RAD51D: variants seen among roughly 807,000 people sequenced by gnomAD.
The protein encoded by RAD51D is RAD51 paralog D.
RAD51D carries 38 observed loss-of-function variants against 44.1 expected under a neutral mutation model. The ratio of observed to expected loss-of-function variants is 0.86; its 90% confidence interval spans 0.67 to 1.13. The LOEUF (loss-of-function observed/expected upper bound fraction) is 1.13. Ranked by LOEUF, RAD51D falls within the 50% of genes most tolerant of loss-of-function variation. The pLI is 0.00. For missense variants in RAD51D, 390 were observed against 414.0 expected (o/e 0.94, Z 0.50); for synonymous variants, 141 against 166.6 (o/e 0.85, Z 1.18).
At chr17:35,115,956 G>GGAAAGGAAA (rs2091735733) in intron 3 of RAD51D, among the ~76,000 whole-genome samples, 1 of 65,282 alleles carries the variant, frequency 1.5e-5, no homozygotes, top group East Asian at 4.4e-4. Context: ...AAGGAAGAAA[G>GGAAAGGAAA]GAAAGAAAGA....
rs1046471463 is a variant in RAD51D at position 35,097,826 on chromosome 17, A to G, written c.*3127T>C. The G allele has an allele frequency of 2.0e-5, 3 of 152,290 alleles. No homozygotes were observed. The highest frequency in any genetic ancestry group is 4.4e-5 in the Non-Finnish European group (3 of 68,040). 9.4% of individuals were successfully genotyped at this position (152,290 alleles called of 1,614,324 possible). A position where few individuals can be genotyped will look rare whatever the true frequency, so the allele number is the denominator to read the frequency against. ...TACAGGGAAGTTACTGTAAGCATCT[A>G]TCTAGATCACAGCTGAGGCATAAAA... On this transcript the variant is annotated 3_prime_UTR_variant, in exon 10 of 10. Coordinates refer to ENST00000345365, the MANE Select transcript of RAD51D (RefSeq NM_002878.4).
At position 35,103,300 on chromosome 17, in the gene RAD51D, G is replaced by A. The variant is rs535851875; in HGVS notation, c.692C>T (p.Ala231Val). The change falls in exon 8 of 10, where the codon GCC becomes GTC. Residue 231 changes from alanine to valine, a missense_variant. Coordinates refer to ENST00000345365, the MANE Select transcript of RAD51D (RefSeq NM_002878.4). This position sits in a 1 kb window ranked among gnomAD's most constrained non-coding sequence, Gnocchi z 4.1. ...CCGGGCCAGGGTCTTCAGCTCTCGG[G>A]CCAGCTGCATCATCAAGGCCAAGCC... Reference protein sequence around the residue: ...REGLALMMQLARELKTLARDL... With the variant: ...REGLALMMQLVRELKTLARDL... The A allele has an allele frequency of 3.7e-6, 6 of 1,611,724 alleles. 1 individual carries two copies. The South Asian group carries it at 6.6e-5, about 18-fold the overall frequency.
At chr17:35,114,255 G>A (rs898310533) in intron 3 of RAD51D, among the ~76,000 whole-genome samples, 1 of 152,034 alleles carries the variant, frequency 6.6e-6, no homozygotes. Flanking sequence ...CTGGGCGACA[G>A]AGCAAGATTC....
intron 3 of RAD51D, among the ~76,000 whole-genome samples, chr17:35,111,013 G>A (rs945092501): frequency 1.3e-5 from 2 of 152,076 alleles, no homozygotes; most frequent in African/African-American, 4.8e-5. Context: ...GTCGAGGCAG[G>A]TGAATCAAAC....
rs1423613615 is a variant in RAD51D, at chr17:35,099,119, G to T, written c.*1834C>A. On this transcript the variant is annotated 3_prime_UTR_variant, in exon 10 of 10. Transcript: ENST00000345365. Reference sequence around the variant, plus strand: ...TCCTCCCGCCTCAGGCTCCCAAAGTGCTACCATTATAGGTGTGAGCCACTG... The same window carrying T: ...TCCTCCCGCCTCAGGCTCCCAAAGTTCTACCATTATAGGTGTGAGCCACTG... 6.6e-6 allele frequency: 1 copy of T among 152,244 alleles called. No homozygotes were observed. Among genetic ancestry groups the T allele is most frequent in the African/African-American group, 2.4e-5 (1 of 41,402 alleles). 9.4% of individuals were successfully genotyped at this position (152,244 alleles called of 1,614,324 possible).
Position 35,119,592 on chromosome 17 carries a change from G to C in RAD51D, c.22C>G (p.Leu8Val), listed in dbSNP as rs876659203. ...ATCTCCTCGGTAAGGCCAGGGCACA[G>C]TCCGACCCTGAGCACGCCCATGTTC... MGVLRVG[L>V]CPGLTEEMIQ... The change falls in exon 1 of 10, where the codon CTG becomes GTG. Residue 8 changes from leucine to valine, a missense_variant. By Grantham distance (32) the Leu-to-Val change is conservative (BLOSUM62 1). Transcript: ENST00000345365. The C allele has an allele frequency of 6.2e-7, 1 of 1,612,260 alleles. No individual in the cohort carries two copies. Among genetic ancestry groups the C allele is most frequent in the Non-Finnish European group, 8.5e-7 (1 of 1,179,946 alleles).
Position 35,098,409 on chromosome 17 carries a change from AT to A in RAD51D, c.*2543del, listed in dbSNP as rs11293580. 14,067 of 132,874 alleles carry A rather than the reference AT, an allele frequency of 0.11. 686 individuals are homozygous for A. The highest frequency in any genetic ancestry group is 0.19 in the South Asian group (797 of 4,210). The allele number at this position is 132,874 out of a possible 1,614,324, so 8.2% of individuals were successfully genotyped here. ...GCCACGACGCCTGGCTAATTTTTGC[AT>A]TTTTTTTTTTTTTTTGAGACGGAGT... On this transcript the variant is annotated 3_prime_UTR_variant, in exon 10 of 10. Transcript: ENST00000345365.
intron 2 of RAD51D, 49 bp from the exon 3 acceptor site, chr17:35,118,668 G>T: frequency 7.2e-7 from 1 of 1,390,480 alleles, no homozygotes; most frequent in Non-Finnish European, 1.0e-6. Flanking sequence ...CGTAGAAGCT[G>T]GCATCCCAGG....
intron 6 of RAD51D, 160 bp downstream of exon 6, chr17:35,106,226 A>G (rs2091600839): frequency 1.3e-6 from 1 of 757,538 alleles, no homozygotes; most frequent in East Asian, 2.5e-5. Context: ...GAGGTATGTG[A>G]TTTAGGTGCT....
chr17:35,119,696 C>T lies in RAD51D; in HGVS notation c.-83G>A, dbSNP rs11540072. The T allele has an allele frequency of 3.6e-6, 5 of 1,385,900 alleles. No homozygotes were observed. The Admixed American group carries it at 5.1e-5, about 14-fold the overall frequency. The allele number at this position is 1,385,900 out of a possible 1,614,324, so 85.9% of individuals were successfully genotyped here. A position where few individuals can be genotyped will look rare whatever the true frequency, so the allele number is the denominator to read the frequency against. On this transcript the variant is annotated 5_prime_UTR_variant, in exon 1 of 10. Transcript: ENST00000345365. The stretch of plus-strand genomic sequence containing the variant: ...GGGGTCCTCTCCAGACGCCCCTCCC[C>T]TACCCCTTCCTAGAGAGGACACAGG...
chr17:35,105,267 C>CTA (rs1322022967), intron 6 of RAD51D, among the ~76,000 whole-genome samples: 1 of 152,138 alleles, frequency 6.6e-6, no homozygotes, highest in African/African-American at 2.4e-5. Flanking sequence ...TCATAACCAG[C>CTA]TATGACTTCT....
intron 3 of RAD51D, among the ~76,000 whole-genome samples, chr17:35,110,586 G>T (rs968312113): frequency 6.6e-6 from 1 of 150,982 alleles, no homozygotes; most frequent in Non-Finnish European, 1.5e-5. Context: ...TTTGTATAAG[G>T]TATAAGGTTT....
Position 35,094,817 on chromosome 17 carries a change from C to T in RAD51D, c.*6136G>A, listed in dbSNP as rs2091477046. On this transcript the variant is annotated 3_prime_UTR_variant, in exon 10 of 10. Transcript: ENST00000345365. The stretch of plus-strand genomic sequence containing the variant: ...TCATTCCCTCTGCCACAAGGCTGTC[C>T]TAAGGTCATAATGAGACATGCATCA... 1 of 152,148 alleles carries T rather than the reference C, an allele frequency of 6.6e-6. No homozygotes were observed. The highest frequency in any genetic ancestry group is 2.4e-5 in the African/African-American group (1 of 41,406). 9.4% of individuals were successfully genotyped at this position (152,148 alleles called of 1,614,324 possible).
At position 35,100,032 on chromosome 17, in the gene RAD51D, C is replaced by A. The variant is rs1366352084; in HGVS notation, c.*921G>T. 1 of 531,864 alleles carries A rather than the reference C, an allele frequency of 1.9e-6. No homozygotes were observed. 32.9% of individuals were successfully genotyped at this position (531,864 alleles called of 1,614,324 possible). ...ATTTGCCATGTATTATTTACGTCAGCATCAATTTTCCCAGCTGGCTCTATT... is the reference window on the plus strand; with the variant it reads ...ATTTGCCATGTATTATTTACGTCAGAATCAATTTTCCCAGCTGGCTCTATT... On this transcript the variant is annotated 3_prime_UTR_variant, in exon 10 of 10. Coordinates refer to ENST00000345365, the MANE Select transcript of RAD51D (RefSeq NM_002878.4).
At chr17:35,115,350 G>C (rs749827405) in intron 3 of RAD51D, 1 of 502,002 alleles carries the variant, frequency 2.0e-6, no homozygotes, top group Admixed American at 2.0e-5. Context: ...TGGCCTATAA[G>C]GAATAATCAA....
chr17:35,109,824 C>T (rs1368326967), intron 3 of RAD51D, among the ~76,000 whole-genome samples: 3 of 152,042 alleles, frequency 2.0e-5, no homozygotes, highest in African/African-American at 7.2e-5. Context: ...TGCACCACCA[C>T]GCCTGGCTAA....
At chr17:35,110,518 T>G (rs1278113021) in intron 3 of RAD51D, among the ~76,000 whole-genome samples, 1 of 152,200 alleles carries the variant, frequency 6.6e-6, no homozygotes, top group Non-Finnish European at 1.5e-5. Context: ...TTCTCCTGTT[T>G]TGTTCTAAAA....
rs2091489120 is a variant in RAD51D, at chr17:35,096,901, T to A, written c.*4052A>T. The A allele has an allele frequency of 8.9e-3, 1 of 112 alleles. No homozygotes were observed. The highest frequency in any genetic ancestry group is 0.028 in the African/African-American group (1 of 36). 0.0% of individuals were successfully genotyped at this position (112 alleles called of 1,614,324 possible). ...AGTGTCCCTAGTATTTACACTTCTT[T>A]AAGCCTAGGTTTTGTTACTTGCAGC... On this transcript the variant is annotated 3_prime_UTR_variant, in exon 10 of 10. Transcript: ENST00000345365.
At chr17:35,107,790 A>G (rs1225121295) in intron 3 of RAD51D, among the ~76,000 whole-genome samples, 1 of 116,690 alleles carries the variant, frequency 8.6e-6, no homozygotes, top group Non-Finnish European at 1.6e-5. Flanking sequence ...TTTGTTGTCC[A>G]GGCCGGAGTG....
Sources: gnomAD v4.1 joint callset for allele counts (sites outside exome capture counted in the v4.1 genomes callset) on GRCh38, gnomAD v4.1.1 for gene constraint, Gnocchi (gnomAD v3.1) non-coding constraint, MANE v1.5 for transcripts, NCBI Gene and HGNC (gene_info 2026-07-23, HGNC 2026-07-21) for gene names.